The following PPP2R5A variants were observed in gnomAD, a reference collection of about 807,000 sequenced individuals.
PPP2R5A encodes serine/threonine-protein phosphatase 2A 56 kDa regulatory subunit alpha isoform.
In PPP2R5A, 25 loss-of-function variants were observed where a neutral mutation model predicts 64.2. The ratio of observed to expected loss-of-function variants is 0.39; its 90% CI spans 0.28 to 0.54. The LOEUF is 0.54. Ranked by LOEUF, PPP2R5A falls within the 20% of genes least tolerant of loss-of-function variation. The pLI, the probability that PPP2R5A is intolerant of heterozygous loss-of-function variation, is 0.67. For synonymous variants in PPP2R5A, 198 were observed against 201.2 expected, an observed-to-expected ratio of 0.98 and a Z score of 0.13; for missense variants, 425 against 576.3, an observed-to-expected ratio of 0.74 and a Z score of 2.69.
chr1:212,357,059 C>T lies in PPP2R5A; in HGVS notation c.1088C>T (p.Ser363Phe), dbSNP rs1051500380. Residue 363 changes from serine to phenylalanine, a missense_variant, in exon 10 of 13, where the codon TCT becomes TTT. By Grantham distance (155) the Ser-to-Phe change is radical. This residue lies in a region of PPP2R5A where 177 missense variants were observed against 244.8 expected (regional missense o/e 0.72). Transcript: ENST00000261461. Reference sequence around the variant, plus strand: ...CAGATATCCAAGTGTGTATCCAGTTCTCATTTTCAGGTATGATGTTTTCAG... The same window carrying T: ...CAGATATCCAAGTGTGTATCCAGTTTTCATTTTCAGGTATGATGTTTTCAG... ...FKQISKCVSSSHFQVAERALY... is the reference protein window; with the variant it reads ...FKQISKCVSSFHFQVAERALY... 1.9e-6 allele frequency: 3 copies of T among 1,605,408 alleles called. No individual in the cohort carries two copies. Among genetic ancestry groups the T allele is most frequent in the African/African-American group, 1.3e-5 (1 of 74,424 alleles).
At chr1:212,312,574 A>G (rs1003550909) in intron 1 of PPP2R5A, among the ~76,000 whole-genome samples, 1 of 152,186 alleles carries the variant, frequency 6.6e-6, no homozygotes, top group South Asian at 2.1e-4. Flanking sequence ...TGTAGTAATA[A>G]TTAGTATCTT....
In PPP2R5A at chr1:212,357,006, CA is replaced by C. The variant is rs1558156601; in HGVS notation, c.1042del (p.Ile348LeufsTer36). The C allele has an allele frequency of 1.2e-6, 2 of 1,610,000 alleles. No individual in the cohort carries two copies. The highest frequency in any genetic ancestry group is 1.3e-5 in the African/African-American group (1 of 74,836). On this transcript the variant is annotated frameshift_variant, in exon 10 of 13. Transcript: ENST00000261461. LOFTEE classifies it high-confidence loss of function. ...TAGATGTCATTGAACCAACACAGTT[CA>C]AAAAAATTGAAGAGCCACTTTTCAA... Reference protein sequence around the residue: ...ILDVIEPTQFKKIEEPLFKQI... With the variant: ...ILDVIEPTQFXKIEEPLFKQI...
intron 1 of PPP2R5A, among the ~76,000 whole-genome samples, chr1:212,288,080 G>A (rs1335700079): frequency 6.6e-6 from 1 of 151,920 alleles, no homozygotes; most frequent in Non-Finnish European, 1.5e-5. Flanking sequence ...GCAATGGCGC[G>A]ATCTCAGCTC....
chr1:212,358,641 C>T lies in PPP2R5A; in HGVS notation c.1227-45C>T, dbSNP rs151291277. 5 of 1,382,784 alleles carry T rather than the reference C, an allele frequency of 3.6e-6. No homozygotes were observed. In the African/African-American group the frequency reaches 4.3e-5, roughly 12 times the overall value. The allele number at this position is 1,382,784 out of a possible 1,614,324, so 85.7% of individuals were successfully genotyped here. A position where few individuals can be genotyped will look rare whatever the true frequency, so the allele number is the denominator to read the frequency against. ...GAGACCATAGTGTTACATTTCCTCTCTGTTAGCAGTATCATAACTCAGGAC... is the reference window on the plus strand; with the variant it reads ...GAGACCATAGTGTTACATTTCCTCTTTGTTAGCAGTATCATAACTCAGGAC... On this transcript the variant is annotated intron_variant, in intron 11 of 12. Transcript: ENST00000261461.
intron 1 of PPP2R5A, among the ~76,000 whole-genome samples, chr1:212,301,569 T>C (rs1279633094): frequency 6.6e-6 from 1 of 152,252 alleles, no homozygotes; most frequent in East Asian, 1.9e-4. Flanking sequence ...AGAACCTTAA[T>C]AAGTCATATT....
intron 1 of PPP2R5A, among the ~76,000 whole-genome samples, chr1:212,289,392 G>A (rs1442063853): frequency 6.6e-6 from 1 of 152,076 alleles, no homozygotes; most frequent in Non-Finnish European, 1.5e-5. Context: ...CTTTTTGCAA[G>A]GTCAGTATTC....
At chr1:212,317,233 T>G (rs1194412799) in intron 1 of PPP2R5A, among the ~76,000 whole-genome samples, 2 of 152,168 alleles carry the variant, frequency 1.3e-5, no homozygotes, top group African/African-American at 4.8e-5. Flanking sequence ...TGGGTTTTTA[T>G]CTCTTTTTTT....
intron 1 of PPP2R5A, among the ~76,000 whole-genome samples, chr1:212,294,927 A>G (rs1043974522): frequency 2.0e-5 from 3 of 152,188 alleles, no homozygotes; most frequent in African/African-American, 4.8e-5. Context: ...GGTCCACCCA[A>G]AAGACAATAT....
intron 4 of PPP2R5A, among the ~76,000 whole-genome samples, chr1:212,343,525 A>C (rs1659723002): frequency 6.6e-6 from 1 of 152,154 alleles, no homozygotes; most frequent in Non-Finnish European, 1.5e-5. Context: ...AAGTATTCTG[A>C]CCTGTTGCTG....
At chr1:212,343,339 A>T (rs1304226717) in intron 4 of PPP2R5A, among the ~76,000 whole-genome samples, 1 of 152,236 alleles carries the variant, frequency 6.6e-6, no homozygotes, top group African/African-American at 2.4e-5. Context: ...TCTAGGCCTG[A>T]GTATGCAGGC....
chr1:212,299,761 A>G (rs1558139476), intron 1 of PPP2R5A: 1 of 152,122 alleles, frequency 6.6e-6, no homozygotes, highest in African/African-American at 2.4e-5. Flanking sequence ...AAATATGACA[A>G]TGAAGTGCTT....
At chr1:212,320,129 T>G (rs1310981753) in intron 1 of PPP2R5A, among the ~76,000 whole-genome samples, 1 of 151,582 alleles carries the variant, frequency 6.6e-6, no homozygotes, top group Non-Finnish European at 1.5e-5. Flanking sequence ...TACTTGAGAT[T>G]AGGGAGTGGT....
intron 1 of PPP2R5A, among the ~76,000 whole-genome samples, chr1:212,322,286 A>AGAGGGAGAGGGAGAGGAGGGT (rs1659321097): frequency 8.3e-6 from 1 of 120,420 alleles, no homozygotes; most frequent in Non-Finnish European, 1.7e-5. Context: ...GAGAGGAGGG[A>AGAGGGAGAGGGAGAGGAGGGT]GAGGGAGAGC....
At chr1:212,320,254 G>T (rs1050117102) in intron 1 of PPP2R5A, among the ~76,000 whole-genome samples, 1 of 152,072 alleles carries the variant, frequency 6.6e-6, no homozygotes, top group Non-Finnish European at 1.5e-5. Flanking sequence ...GAGAGCACAG[G>T]GTTGGGGGTA....
intron 8 of PPP2R5A, among the ~76,000 whole-genome samples, chr1:212,351,312 A>G (rs1488253372): frequency 1.3e-5 from 2 of 152,204 alleles, no homozygotes; most frequent in African/African-American, 4.8e-5. Context: ...AATTTCTAAC[A>G]TAGGCCATTC....
intron 1 of PPP2R5A, among the ~76,000 whole-genome samples, chr1:212,292,534 C>G (rs1013530549): frequency 6.6e-6 from 1 of 152,136 alleles, no homozygotes; most frequent in Non-Finnish European, 1.5e-5. Flanking sequence ...ATGTTTGGTG[C>G]TATCTACCAG....
rs184142653 is a variant in PPP2R5A at position 212,300,221 on chromosome 1, T to G, written c.181+13930T>G. 5.3e-5 allele frequency among the ~76,000 whole-genome samples: 8 copies of G among 152,332 alleles called. No homozygotes were observed. The East Asian group carries it at 1.5e-3, about 29-fold the overall frequency. On this transcript the variant is annotated intron_variant, in intron 1 of 12. Coordinates refer to ENST00000261461, the MANE Select transcript of PPP2R5A (RefSeq NM_006243.4). ...TTTGGTACTTCATCTGTTTTGATAA[T>G]CTGTTTTTAATTTGGATCACCTGGA... is the stretch of plus-strand genomic sequence containing the variant.
chr1:212,328,508 G>A (rs1558148807), intron 1 of PPP2R5A, among the ~76,000 whole-genome samples: 1 of 152,160 alleles, frequency 6.6e-6, no homozygotes, highest in Non-Finnish European at 1.5e-5. Context: ...GATGACTCTT[G>A]ACAGTAGACA....
chr1:212,351,983 ATATTT>A (rs1196585812), intron 8 of PPP2R5A, among the ~76,000 whole-genome samples: 64 of 149,612 alleles, frequency 4.3e-4, no homozygotes, highest in Admixed American at 1.3e-3. Context: ...ATTTTATTTT[ATATTT>A]TATTTTATTA....
Sources: allele counts gnomAD v4.1 joint callset (sites outside exome capture counted in the v4.1 genomes callset), GRCh38; gene constraint gnomAD v4.1.1; regional missense constraint gnomAD v4.1.1; transcripts MANE v1.5; gene names NCBI Gene and HGNC (gene_info 2026-07-23, HGNC 2026-07-21).